ATAD2: variants seen among roughly 807,000 people sequenced by gnomAD.
The protein encoded by ATAD2 is ATPase family AAA domain-containing protein 2.
ATAD2 carries 62 observed loss-of-function variants against 168.9 expected under a neutral mutation model. The ratio of observed to expected loss-of-function variants is 0.37; its 90% CI spans 0.30 to 0.45. ATAD2 has a LOEUF of 0.45. ATAD2 is among the 20% of genes least tolerant of loss of function. The pLI is 1.00. For synonymous variants in ATAD2, 613 were observed against 571.6 expected (o/e 1.07, Z -1.03); for missense variants, 1,419 against 1,667.8 (o/e 0.85, Z 2.60).
chr8:123,326,850 G>T (rs1330550279), intron 25 of ATAD2, among the ~76,000 whole-genome samples: 2 of 152,130 alleles, frequency 1.3e-5, no homozygotes, highest in African/African-American at 4.8e-5. Flanking sequence ...CCATGATTTA[G>T]AACAATACAT....
chr8:123,399,000 C>A (rs988042132), upstream of ATAD2, among the ~76,000 whole-genome samples: 1 of 152,182 alleles, frequency 6.6e-6, no homozygotes, highest in African/African-American at 2.4e-5. Context: ...CGGTGGCTCA[C>A]GCCTGTAATC....
intron 9 of ATAD2, among the ~76,000 whole-genome samples, chr8:123,359,935 A>C (rs1247874807): frequency 6.6e-6 from 1 of 152,220 alleles, no homozygotes; most frequent in Non-Finnish European, 1.5e-5. Context: ...AAGATGCCAC[A>C]GGCACCATAA....
chr8:123,369,903 TTCA>T lies in ATAD2; in HGVS notation c.846_848del (p.Asp282del), dbSNP rs761660807. The T allele has an allele frequency of 5.6e-6, 9 of 1,602,452 alleles. No homozygotes were observed. The highest frequency in any genetic ancestry group is 2.2e-5 in the South Asian group (2 of 90,838). On this transcript the variant is annotated inframe_deletion, in exon 7 of 28. Coordinates refer to ENST00000287394, the MANE Select transcript of ATAD2 (RefSeq NM_014109.4). ...TCTGATTCTCTTCTTCTCCATCTTC[TTCA>T]TCTTCATCATCTTCATCATCATCAT...
At chr8:123,390,838 G>T (rs370810649) in intron 1 of ATAD2, among the ~76,000 whole-genome samples, 1 of 152,002 alleles carries the variant, frequency 6.6e-6, no homozygotes, top group Non-Finnish European at 1.5e-5. Context: ...TTGATACCCC[G>T]TCTCTACTAA....
At chr8:123,357,962 T>C (rs1281697448) in intron 11 of ATAD2, among the ~76,000 whole-genome samples, 4 of 152,184 alleles carry the variant, frequency 2.6e-5, no homozygotes, top group Non-Finnish European at 5.9e-5. Flanking sequence ...ATTTGAAACA[T>C]TTTAACAATT....
Position 123,347,242 on chromosome 8 carries a change from G to GT in ATAD2, c.2061dup (p.Pro688ThrfsTer27), listed in dbSNP as rs1396280707. Reference sequence around the variant, plus strand: ...GATGTCACAGCTCTTTGGGAGGCTGGTATCATCTTTTGCATAGCTACCTCG... The same window carrying GT: ...GATGTCACAGCTCTTTGGGAGGCTGGTTATCATCTTTTGCATAGCTACCTCG... On this transcript the variant is annotated frameshift_variant, in exon 16 of 28. Coordinates refer to ENST00000287394, the MANE Select transcript of ATAD2 (RefSeq NM_014109.4). LOFTEE classifies it high-confidence loss of function. 1.9e-6 allele frequency: 3 copies of GT among 1,613,992 alleles called. No individual in the cohort carries two copies. Among genetic ancestry groups the GT allele is most frequent in the Non-Finnish European group, 2.5e-6 (3 of 1,180,036 alleles).
intron 9 of ATAD2, among the ~76,000 whole-genome samples, chr8:123,361,109 T>C (rs1213461183): frequency 6.6e-6 from 1 of 151,682 alleles, no homozygotes; most frequent in Non-Finnish European, 1.5e-5. Context: ...TTGAGGCCAG[T>C]AGTTCAAGAC....
intron 1 of ATAD2, among the ~76,000 whole-genome samples, chr8:123,395,283 TC>T (rs1386411306): frequency 1.6e-4 from 24 of 152,232 alleles, no homozygotes; most frequent in African/African-American, 5.5e-4. Context: ...CTGAAACCCC[TC>T]CACCTAGGCC....
At chr8:123,397,026 G>C (rs924341568), upstream of ATAD2, among the ~76,000 whole-genome samples, 1 of 151,708 alleles carries the variant, frequency 6.6e-6, no homozygotes, top group African/African-American at 2.4e-5. Flanking sequence ...AGCCAGCAGA[G>C]TGCCATCGTT....
chr8:123,363,074 A>G (rs578171532), intron 8 of ATAD2, among the ~76,000 whole-genome samples: 1 of 152,336 alleles, frequency 6.6e-6, no homozygotes, highest in African/African-American at 2.4e-5. Context: ...GTTGGGAAGA[A>G]CTTTAATTAT....
rs1043335778 is a variant in ATAD2 at position 123,320,819 on chromosome 8, C to T, written c.*315G>A. On this transcript the variant is annotated 3_prime_UTR_variant, in exon 28 of 28. Coordinates refer to ENST00000287394, the MANE Select transcript of ATAD2 (RefSeq NM_014109.4). ...AGTGCTTAATACAAACAAAATTTAA[C>T]GCTGCTAATTATTCTTAAGTGCCAT... The T allele has an allele frequency of 4.9e-5, 12 of 247,090 alleles. No homozygotes were observed. The highest frequency in any genetic ancestry group is 1.8e-4 in the East Asian group (2 of 10,838). 15.3% of individuals were successfully genotyped at this position (247,090 alleles called of 1,614,324 possible). A position where few individuals can be genotyped will look rare whatever the true frequency, so the allele number is the denominator to read the frequency against.
At chr8:123,371,162 G>A in intron 5 of ATAD2, 74 bp downstream of exon 5, 6 of 1,252,680 alleles carry the variant, frequency 4.8e-6, no homozygotes, top group Non-Finnish European at 6.7e-6. Flanking sequence ...GATATTTAAT[G>A]AAAAATGGAT....
At chr8:123,370,730 C>CAA in intron 6 of ATAD2, among the ~76,000 whole-genome samples, 173 bp downstream of exon 6, 1 of 152,200 alleles carries the variant, frequency 6.6e-6, no homozygotes, top group Non-Finnish European at 1.5e-5. Flanking sequence ...CTTTCCCAAA[C>CAA]AAAACATACT....
chr8:123,345,969 G>A (rs1828226600), intron 18 of ATAD2, 117 bp downstream of exon 18: 1 of 819,276 alleles, frequency 1.2e-6, no homozygotes. Flanking sequence ...ACTCTGTTTT[G>A]TAAACCTAAA....
rs183857011 is a variant in ATAD2 at position 123,404,478 on chromosome 8, T to C, written c.-2281-3303A>G. ...TTCGGAGTTTCTTGGCTTGTAGGAG[T>C]GTAAGTCCACACTCTGCTTTCACAT... On this transcript the variant is annotated intron_variant, in intron 1 of 28. Transcript: ENST00000521903. 7.7e-4 allele frequency among the ~76,000 whole-genome samples: 117 copies of C among 152,126 alleles called. 2 individuals carry two copies. Among genetic ancestry groups the C allele is most frequent in the Non-Finnish European group, 5.9e-5 (4 of 68,006 alleles).
At chr8:123,389,084 G>A (rs1829730862) in intron 1 of ATAD2, among the ~76,000 whole-genome samples, 5 of 150,156 alleles carry the variant, frequency 3.3e-5, no homozygotes, top group Non-Finnish European at 5.9e-5. Context: ...CTCCTGCCAC[G>A]GCCTCTAAAG....
In ATAD2 at chr8:123,396,206, G is replaced by A. The variant is rs751478260; in HGVS notation, c.152C>T (p.Ala51Val). ...ACTCACGCCCGCTTTGGCTGTGGTC[G>A]CCGCGGGTTTCTTCTGCGCCGCGCC... is the stretch of plus-strand genomic sequence containing the variant. The part of the protein sequence containing the change: ...SAGAAQKKPA[A>V]TTAKAGDGSS... The change falls in exon 1 of 28, where the codon GCG becomes GTG. Residue 51 changes from alanine to valine, a missense_variant. Physicochemically the swap from Ala to Val is moderately conservative, Grantham distance 64. Transcript: ENST00000287394. 4 of 1,584,656 alleles carry A rather than the reference G, an allele frequency of 2.5e-6. No individual in the cohort carries two copies. Among genetic ancestry groups the A allele is most frequent in the East Asian group, 2.3e-5 (1 of 43,596 alleles).
chr8:123,325,099 C>CTT (rs761145398), intron 26 of ATAD2, among the ~76,000 whole-genome samples: 59 of 115,012 alleles, frequency 5.1e-4, no homozygotes, highest in South Asian at 1.1e-3. Context: ...AGTAATAATT[C>CTT]TTTTTTTTTT....
At chr8:123,399,129 G>A (rs1414094860), upstream of ATAD2, among the ~76,000 whole-genome samples, 1 of 152,066 alleles carries the variant, frequency 6.6e-6, no homozygotes. Flanking sequence ...GGGCGTGGTG[G>A]TGCACGCCTG....
Sources: allele counts gnomAD v4.1 joint callset (sites outside exome capture counted in the v4.1 genomes callset), GRCh38; gene constraint gnomAD v4.1.1; transcripts MANE v1.5; gene names NCBI Gene and HGNC (gene_info 2026-07-23, HGNC 2026-07-21).